Variants in GALNT7 observed in about 807,000 individuals in gnomAD.
GALNT7 encodes the protein polypeptide N-acetylgalactosaminyltransferase 7.
A neutral mutation model predicts 82.1 loss-of-function variants in GALNT7; 60 were observed. The observed-to-expected ratio is 0.73, with a 90% CI of 0.59 to 0.91. The LOEUF (loss-of-function observed/expected upper bound fraction) is 0.91. GALNT7 is among the 40% of genes least tolerant of loss of function. The pLI is 0.00. For missense variants in GALNT7, 660 were observed against 804.2 expected (o/e 0.82, Z 2.17); for synonymous variants, 243 against 275.1 (o/e 0.88, Z 1.15).
intron 3 of GALNT7, among the ~76,000 whole-genome samples, chr4:173,293,121 AT>A (rs1296556902): frequency 3.9e-5 from 6 of 152,190 alleles, no homozygotes; most frequent in Non-Finnish European, 7.4e-5. Flanking sequence ...AATTTTACTA[AT>A]TTTAAGAACC....
chr4:173,169,088 C>A, intron 1 of GALNT7, 127 bp downstream of exon 1: 1 of 844,200 alleles, frequency 1.2e-6, no homozygotes, highest in South Asian at 2.5e-5. Context: ...GCAGGTGGTG[C>A]TGGCGCAGCG....
At chr4:173,311,044 A>G (rs1243471964) in intron 8 of GALNT7, among the ~76,000 whole-genome samples, 1 of 152,182 alleles carries the variant, frequency 6.6e-6, no homozygotes, top group Non-Finnish European at 1.5e-5. Flanking sequence ...AACTGAAGCA[A>G]GTTTTCTCCC....
chr4:173,171,241 TAGA>T (rs1239670419), intron 1 of GALNT7, among the ~76,000 whole-genome samples: 2 of 152,366 alleles, frequency 1.3e-5, no homozygotes, highest in African/African-American at 2.4e-5. Flanking sequence ...GGTACAGTGC[TAGA>T]AGGACAAATC....
At position 173,295,837 on chromosome 4, in the gene GALNT7, A is replaced by T. The variant is rs28521141; in HGVS notation, c.959A>T (p.Lys320Met). Reference sequence around the variant, plus strand: ...GCACCACTTGTAGCTCCCATATCTAAGGACAGGTAACATTACCTTGCTTTT... The same window carrying T: ...GCACCACTTGTAGCTCCCATATCTATGGACAGGTAACATTACCTTGCTTTT... ...WYAPLVAPIS[K>M]DRTICTVPLI... Residue 320 changes from lysine to methionine, a missense_variant, in exon 5 of 12, where the codon AAG becomes ATG. Around this residue, in one of 2 missense-constraint regions of GALNT7, gnomAD observed 527 missense variants for 683.5 expected, o/e 0.77. Coordinates refer to ENST00000265000, the MANE Select transcript of GALNT7 (RefSeq NM_017423.3). The T allele has an allele frequency of 1.8e-4, 288 of 1,578,924 alleles. No homozygotes were observed. The African/African-American group carries it at 3.6e-3, about 20-fold the overall frequency.
In GALNT7 at chr4:173,178,046, TGTGTGTGCGCGCAC is replaced by T. The variant is rs1283850304; in HGVS notation, c.126+9087_126+9100del. On this transcript the variant is annotated intron_variant, in intron 1 of 11. Coordinates refer to ENST00000265000, the MANE Select transcript of GALNT7 (RefSeq NM_017423.3). ...GTGTGTGTGTGTGTGTGTGTGTGTG[TGTGTGTGCGCGCAC>T]GCGCGTGCGCACAGACACCTATGTA... is the stretch of plus-strand genomic sequence containing the variant. Among the ~76,000 whole-genome samples, 36 of 105,386 alleles carry T rather than the reference TGTGTGTGCGCGCAC, an allele frequency of 3.4e-4. 1 individual carries two copies. The East Asian group carries it at 7.3e-3, about 21-fold the overall frequency. The allele number at this position is 105,386 out of a possible 152,430, so 69.1% of individuals were successfully genotyped here.
At chr4:173,183,930 C>T (rs1448668323) in intron 1 of GALNT7, among the ~76,000 whole-genome samples, 1 of 151,084 alleles carries the variant, frequency 6.6e-6, no homozygotes, top group Non-Finnish European at 1.5e-5. Context: ...GACGGGGCGG[C>T]CAGGCAGAGA....
intron 1 of GALNT7, among the ~76,000 whole-genome samples, chr4:173,219,665 AT>A (rs934367664): frequency 6.6e-6 from 1 of 151,994 alleles, no homozygotes; most frequent in African/African-American, 2.4e-5. Flanking sequence ...TTATTGTTTG[AT>A]TTTTTTGATT....
intron 1 of GALNT7, among the ~76,000 whole-genome samples, chr4:173,194,178 A>G (rs962677846): frequency 1.3e-5 from 2 of 152,214 alleles, no homozygotes; most frequent in Non-Finnish European, 2.9e-5. Context: ...GCATTAAGAG[A>G]TAATAGTAGG....
chr4:173,249,282 T>C (rs1205229304), intron 2 of GALNT7, among the ~76,000 whole-genome samples: 6 of 152,206 alleles, frequency 3.9e-5, no homozygotes, highest in African/African-American at 1.4e-4. Flanking sequence ...ATACAGCAGG[T>C]GCTCACACTC....
At chr4:173,206,508 T>G (rs1210481417) in intron 1 of GALNT7, among the ~76,000 whole-genome samples, 1 of 152,224 alleles carries the variant, frequency 6.6e-6, no homozygotes, top group Non-Finnish European at 1.5e-5. Context: ...GAAACTAAAG[T>G]TCAGCAAACT....
intron 2 of GALNT7, among the ~76,000 whole-genome samples, chr4:173,252,695 A>G (rs1374928200): frequency 6.6e-6 from 1 of 152,136 alleles, no homozygotes. Context: ...ACTTTTTTCT[A>G]TAAAATACAA....
In GALNT7 at chr4:173,168,883, A is replaced by T; in HGVS notation, c.48A>T (p.Gly16=). The T allele has an allele frequency of 6.2e-7, 1 of 1,613,236 alleles. No homozygotes were observed. ...TCTTACGCAGTTTGCTGGTGGTGGG[A>T]AGCTTCCTGGGGCTAGTGGTCCTCT... ...GFILRSLLVV[G]SFLGLVVLWS... Residue 16 remains glycine, a synonymous_variant, in exon 1 of 12, where the codon GGA becomes GGT. Transcript: ENST00000265000.
chr4:173,236,933 A>G (rs535062736), intron 1 of GALNT7, among the ~76,000 whole-genome samples: 3 of 152,374 alleles, frequency 2.0e-5, no homozygotes, highest in South Asian at 2.1e-4. Context: ...ATGACAAATA[A>G]CACTCATGAT....
At chr4:173,179,621 T>C (rs932537863) in intron 1 of GALNT7, among the ~76,000 whole-genome samples, 2 of 152,230 alleles carry the variant, frequency 1.3e-5, no homozygotes, top group African/African-American at 4.8e-5. Flanking sequence ...AGTAAAACAA[T>C]AGTTTCAATT....
intron 1 of GALNT7, among the ~76,000 whole-genome samples, chr4:173,194,012 A>T (rs1251483926): frequency 6.6e-6 from 1 of 152,228 alleles, no homozygotes; most frequent in African/African-American, 2.4e-5. Context: ...TAGTGAAAGC[A>T]ATTAGACTTT....
intron 1 of GALNT7, among the ~76,000 whole-genome samples, chr4:173,178,061 G>GCGCGCGCA (rs1732126724): frequency 7.1e-6 from 1 of 140,322 alleles, no homozygotes; most frequent in East Asian, 2.0e-4. Flanking sequence ...GTGCGCGCAC[G>GCGCGCGCA]CGCGTGCGCA....
intron 1 of GALNT7, among the ~76,000 whole-genome samples, chr4:173,214,564 C>T (rs755717880): frequency 6.6e-6 from 1 of 152,096 alleles, no homozygotes; most frequent in Non-Finnish European, 1.5e-5. Flanking sequence ...AAGAAATCTT[C>T]AAAGAGAAAA....
chr4:173,292,021 T>C lies in GALNT7; in HGVS notation c.588-87T>C. 2.5e-6 allele frequency: 2 copies of C among 808,190 alleles called. No individual in the cohort carries two copies. The highest frequency in any genetic ancestry group is 1.7e-5 in the South Asian group (1 of 60,490). 50.1% of individuals were successfully genotyped at this position (808,190 alleles called of 1,614,324 possible). On this transcript the variant is annotated intron_variant, in intron 2 of 11. Transcript: ENST00000265000. This position sits in a 1 kb window ranked among gnomAD's most constrained non-coding sequence, Gnocchi z 4.8. ...ACTTACCGTAGTTAAGTCGATAGTA[T>C]GTAATCCAATCAGCAAATATAGTCA...
chr4:173,233,982 C>A (rs973341115), intron 1 of GALNT7, among the ~76,000 whole-genome samples: 4 of 152,316 alleles, frequency 2.6e-5, no homozygotes, highest in Admixed American at 2.0e-4. Flanking sequence ...CTCCACACTT[C>A]CACTCACTCC....
Sources: gnomAD v4.1 joint callset for allele counts (sites outside exome capture counted in the v4.1 genomes callset) on GRCh38, gnomAD v4.1.1 for gene constraint, gnomAD v4.1.1 regional missense constraint, Gnocchi (gnomAD v3.1) non-coding constraint, MANE v1.5 for transcripts, NCBI Gene and HGNC (gene_info 2026-07-23, HGNC 2026-07-21) for gene names.